The following SAMD12 variants were observed in gnomAD, a reference collection of about 807,000 sequenced individuals.
The protein encoded by SAMD12 is sterile alpha motif domain-containing protein 12.
In SAMD12, 9 loss-of-function variants were observed where a neutral mutation model predicts 15.0. That is an observed-to-expected ratio of 0.60 (90% CI 0.36 to 1.05). SAMD12 has a LOEUF of 1.05. Ranked by LOEUF, SAMD12 falls within the 50% of genes least tolerant of loss-of-function variation. The pLI, the probability that SAMD12 is intolerant of heterozygous loss-of-function variation, is 0.01. For missense variants in SAMD12, 230 were observed against 234.2 expected (o/e 0.98, Z 0.12); for synonymous variants, 86 against 90.1 (o/e 0.96, Z 0.25).
At chr8:118,232,774 T>A (rs1226706872) in intron 4 of SAMD12, among the ~76,000 whole-genome samples, 3 of 152,108 alleles carry the variant, frequency 2.0e-5, no homozygotes, top group Non-Finnish European at 4.4e-5. Context: ...CTGAGTCACA[T>A]CAGAAAGCCA....
intron 4 of SAMD12, among the ~76,000 whole-genome samples, chr8:118,202,377 C>T (rs1819738968): frequency 6.6e-6 from 1 of 152,156 alleles, no homozygotes; most frequent in Non-Finnish European, 1.5e-5. Flanking sequence ...AGATAACTGT[C>T]TTCCTGCTTG....
intron 2 of SAMD12, among the ~76,000 whole-genome samples, chr8:118,485,046 T>C (rs889188831): frequency 6.6e-6 from 1 of 152,200 alleles, no homozygotes; most frequent in Non-Finnish European, 1.5e-5. Context: ...TGCACCATCA[T>C]GATCTGCAGT....
chr8:118,535,302 T>A (rs1347930319), intron 2 of SAMD12, among the ~76,000 whole-genome samples: 3 of 152,234 alleles, frequency 2.0e-5, no homozygotes, highest in Admixed American at 6.5e-5. Flanking sequence ...TGATCGTTCC[T>A]CTGGAAGCTT....
At chr8:118,314,398 T>C (rs547636511) in intron 4 of SAMD12, among the ~76,000 whole-genome samples, 2 of 151,906 alleles carry the variant, frequency 1.3e-5, no homozygotes, top group East Asian at 3.9e-4. Flanking sequence ...AATCAATCAA[T>C]TTTACAAGCA....
chr8:118,548,944 T>C (rs1826227556), intron 2 of SAMD12, among the ~76,000 whole-genome samples: 1 of 152,116 alleles, frequency 6.6e-6, no homozygotes, highest in South Asian at 2.1e-4. Context: ...CAGTCTGAGA[T>C]CAAAGTGCAA....
chr8:118,372,603 T>TG (rs1363117657), intron 4 of SAMD12, among the ~76,000 whole-genome samples: 1 of 152,082 alleles, frequency 6.6e-6, no homozygotes, highest in East Asian at 1.9e-4. Context: ...ACTTTTTTAG[T>TG]GAAATAAAAA....
At chr8:118,279,307 T>C (rs1409768146) in intron 4 of SAMD12, among the ~76,000 whole-genome samples, 1 of 152,224 alleles carries the variant, frequency 6.6e-6, no homozygotes, top group Non-Finnish European at 1.5e-5. Context: ...TTAAAAACTT[T>C]CTACTGGTCA....
intron 4 of SAMD12, among the ~76,000 whole-genome samples, chr8:118,199,479 C>T (rs1819652617): frequency 2.0e-5 from 3 of 152,060 alleles, no homozygotes; most frequent in South Asian, 2.1e-4. Context: ...AAATCAGATC[C>T]AGAAAATGTG....
At chr8:118,185,356 C>T (rs1162165946), downstream of SAMD12, among the ~76,000 whole-genome samples, 1 of 152,042 alleles carries the variant, frequency 6.6e-6, no homozygotes, top group African/African-American at 2.4e-5. Context: ...GTAAACTGTA[C>T]CCAATATGTA....
At chr8:118,616,894 C>T (rs1488925120) in intron 1 of SAMD12, among the ~76,000 whole-genome samples, 1 of 152,196 alleles carries the variant, frequency 6.6e-6, no homozygotes, top group African/African-American at 2.4e-5. Flanking sequence ...GTGAACTGCA[C>T]ATGTGAGAGA....
At chr8:118,457,558 G>A (rs147058978) in intron 2 of SAMD12, among the ~76,000 whole-genome samples, 12 of 152,124 alleles carry the variant, frequency 7.9e-5, no homozygotes, top group Admixed American at 2.6e-4. Context: ...ATATTATGTC[G>A]GCAGCTACTT....
intron 2 of SAMD12, among the ~76,000 whole-genome samples, chr8:118,477,231 A>G (rs2130980786): frequency 6.6e-6 from 1 of 151,988 alleles, no homozygotes; most frequent in African/African-American, 2.4e-5. Flanking sequence ...ATGCCTGACT[A>G]ATTTTTATAT....
At chr8:118,154,165 C>T in the SAMD12 span, among the ~76,000 whole-genome samples, 2 of 151,972 alleles carry the variant, frequency 1.3e-5, no homozygotes, top group Non-Finnish European at 2.9e-5. Context: ...CACACACATA[C>T]ACACACATAC....
At chr8:118,401,957 A>G (rs1419774068) in intron 3 of SAMD12, among the ~76,000 whole-genome samples, 1 of 152,178 alleles carries the variant, frequency 6.6e-6, no homozygotes, top group African/African-American at 2.4e-5. Flanking sequence ...CTTGAGGGTG[A>G]TTTACATTTC....
chr8:118,600,245 C>T (rs748629563), intron 1 of SAMD12, among the ~76,000 whole-genome samples: 13 of 151,682 alleles, frequency 8.6e-5, no homozygotes, highest in Non-Finnish European at 1.5e-4. Context: ...ATGATACTGC[C>T]TCCATACACA....
intron 2 of SAMD12, among the ~76,000 whole-genome samples, chr8:118,490,258 G>A (rs1352795202): frequency 6.6e-6 from 1 of 152,134 alleles, no homozygotes; most frequent in Non-Finnish European, 1.5e-5. Context: ...TATTTATTGA[G>A]ATGTGGTTCC....
intron 4 of SAMD12, among the ~76,000 whole-genome samples, chr8:118,294,469 G>A (rs925322134): frequency 3.3e-5 from 5 of 152,164 alleles, no homozygotes; most frequent in Admixed American, 6.5e-5. Flanking sequence ...AGTGCTTCAC[G>A]TGCCCTGAAG....
intron 4 of SAMD12, among the ~76,000 whole-genome samples, chr8:118,301,668 T>C (rs1438624482): frequency 6.6e-6 from 1 of 152,244 alleles, no homozygotes; most frequent in Non-Finnish European, 1.5e-5. Flanking sequence ...ACATCTGTCG[T>C]GATGGATATA....
At chr8:118,423,884 T>C (rs1171964392) in intron 3 of SAMD12, among the ~76,000 whole-genome samples, 1 of 152,192 alleles carries the variant, frequency 6.6e-6, no homozygotes, top group East Asian at 1.9e-4. Flanking sequence ...GCCTGGCATA[T>C]AAACCCTCAA....
Sources: allele counts gnomAD v4.1 joint callset (sites outside exome capture counted in the v4.1 genomes callset), GRCh38; gene constraint gnomAD v4.1.1; transcripts MANE v1.5; gene names NCBI Gene and HGNC (gene_info 2026-07-23, HGNC 2026-07-21).